The following NDUFS4 variants were observed in gnomAD, a reference collection of about 807,000 sequenced individuals.
The protein encoded by NDUFS4 is NADH dehydrogenase [ubiquinone] iron-sulfur protein 4, mitochondrial.
Under a neutral mutation model 24.3 loss-of-function variants are expected in NDUFS4, and 28 were observed. The observed-to-expected ratio is 1.15, with a 90% CI of 0.85 to 1.58. NDUFS4 has a LOEUF of 1.58. NDUFS4 is among the 40% of genes most tolerant of loss of function. The pLI, the probability that NDUFS4 is intolerant of heterozygous loss-of-function variation, is 0.00. For missense variants in NDUFS4, 223 were observed against 207.9 expected, an observed-to-expected ratio of 1.07 and a Z score of -0.45; for synonymous variants, 93 against 69.7, an observed-to-expected ratio of 1.34 and a Z score of -1.67.
chr5:53,660,954 TGTTCACTCTGATG>T (rs1365386491), intron 4 of NDUFS4, among the ~76,000 whole-genome samples: 3 of 152,338 alleles, frequency 2.0e-5, no homozygotes, highest in African/African-American at 7.2e-5. Flanking sequence ...GTAGGTTGCC[TGTTCACTCTGATG>T]GTAGTTTATT....
chr5:53,605,477 T>G (rs1202545214), intron 2 of NDUFS4, among the ~76,000 whole-genome samples: 1 of 152,184 alleles, frequency 6.6e-6, no homozygotes. Flanking sequence ...CAGAGTGCTA[T>G]GAAGCATACA....
At chr5:53,604,728 A>G in intron 2 of NDUFS4, 1 of 456,136 alleles carries the variant, frequency 2.2e-6, no homozygotes, top group Non-Finnish European at 4.4e-6. Flanking sequence ...CTCTAGGTTT[A>G]TCTTGTACCA....
At chr5:53,627,130 A>T in intron 2 of NDUFS4, among the ~76,000 whole-genome samples, 1 of 152,302 alleles carries the variant, frequency 6.6e-6, no homozygotes, top group Admixed American at 6.5e-5. Flanking sequence ...CCATTTATTA[A>T]AAAGGGAATC....
chr5:53,607,185 G>T (rs1026860731), intron 2 of NDUFS4, among the ~76,000 whole-genome samples: 1 of 152,138 alleles, frequency 6.6e-6, no homozygotes, highest in African/African-American at 2.4e-5. Context: ...TCTTGAAAAT[G>T]AACCTGTCAC....
intron 2 of NDUFS4, among the ~76,000 whole-genome samples, chr5:53,635,530 A>G (rs1303757650): frequency 1.3e-5 from 2 of 152,264 alleles, no homozygotes; most frequent in East Asian, 3.9e-4. Context: ...AAAATAAATA[A>G]ATAAGTAAAA....
intron 4 of NDUFS4, among the ~76,000 whole-genome samples, chr5:53,667,717 A>C (rs1184068115): frequency 6.6e-6 from 1 of 152,200 alleles, no homozygotes; most frequent in Admixed American, 6.5e-5. Context: ...CAGATGCACT[A>C]ATATGTAAAG....
chr5:53,671,089 A>G (rs1740211153), intron 4 of NDUFS4, among the ~76,000 whole-genome samples: 1 of 152,026 alleles, frequency 6.6e-6, no homozygotes, highest in African/African-American at 2.4e-5. Flanking sequence ...ATAATAGTAT[A>G]GGGACGTACT....
chr5:53,598,058 A>G (rs182869223), intron 1 of NDUFS4, among the ~76,000 whole-genome samples: 1 of 152,332 alleles, frequency 6.6e-6, no homozygotes, highest in African/African-American at 2.4e-5. Context: ...ATGAAATAGT[A>G]CTACACACCT....
chr5:53,597,768 T>A (rs1439546836), intron 1 of NDUFS4, among the ~76,000 whole-genome samples: 1 of 152,128 alleles, frequency 6.6e-6, no homozygotes, highest in Non-Finnish European at 1.5e-5. Flanking sequence ...TTCATTAAGA[T>A]TAAAAGCTTC....
At chr5:53,585,742 CAA>C (rs1009474307) in intron 1 of NDUFS4, among the ~76,000 whole-genome samples, 12 of 114,160 alleles carry the variant, frequency 1.1e-4, no homozygotes, top group Non-Finnish European at 5.9e-5. Flanking sequence ...AACTCCGTCT[CAA>C]AAAAAAAAAA....
chr5:53,604,926 T>C, intron 2 of NDUFS4: 1 of 455,134 alleles, frequency 2.2e-6, no homozygotes, highest in African/African-American at 2.0e-5. Flanking sequence ...TAGTCAAGTA[T>C]AAAAGAAATG....
At chr5:53,664,867 G>T (rs1322170438) in intron 4 of NDUFS4, among the ~76,000 whole-genome samples, 1 of 152,154 alleles carries the variant, frequency 6.6e-6, no homozygotes, top group Non-Finnish European at 1.5e-5. Context: ...TCCATTGCTG[G>T]TGCAGAGCTG....
intron 2 of NDUFS4, among the ~76,000 whole-genome samples, chr5:53,608,823 G>A (rs1579867708): frequency 2.0e-5 from 3 of 152,138 alleles, no homozygotes; most frequent in African/African-American, 7.2e-5. Flanking sequence ...GACATGCCAT[G>A]TCAAAATAAA....
chr5:53,625,826 C>T (rs1185699291), intron 2 of NDUFS4, among the ~76,000 whole-genome samples: 2 of 151,944 alleles, frequency 1.3e-5, no homozygotes, highest in East Asian at 1.9e-4. Flanking sequence ...CATTTCAGGG[C>T]CTATTTCTAT....
chr5:53,592,134 G>T (rs1749986704), intron 1 of NDUFS4, among the ~76,000 whole-genome samples: 2 of 151,478 alleles, frequency 1.3e-5, no homozygotes, highest in Non-Finnish European at 2.9e-5. Flanking sequence ...GAGATGAGGG[G>T]GTGTGGCAGA....
At chr5:53,680,241 A>AACTC (rs2111605572) in intron 4 of NDUFS4, among the ~76,000 whole-genome samples, 1 of 152,236 alleles carries the variant, frequency 6.6e-6, no homozygotes, top group African/African-American at 2.4e-5. Context: ...GCAACCTATA[A>AACTC]ACTCTGTACA....
intron 4 of NDUFS4, among the ~76,000 whole-genome samples, chr5:53,678,532 C>T (rs376049727): frequency 2.6e-4 from 40 of 152,206 alleles, no homozygotes; most frequent in African/African-American, 8.7e-4. Context: ...GTTTTCAGTA[C>T]CCTAATAGGA....
chr5:53,582,507 G>A (rs1749603287), intron 1 of NDUFS4, among the ~76,000 whole-genome samples: 1 of 152,186 alleles, frequency 6.6e-6, no homozygotes, highest in Non-Finnish European at 1.5e-5. Flanking sequence ...GATGTGGGAG[G>A]AAACTGGAGT....
chr5:53,604,666 A>G, intron 2 of NDUFS4: 1 of 440,540 alleles, frequency 2.3e-6, no homozygotes, highest in Non-Finnish European at 4.6e-6. Context: ...AGTAAACACT[A>G]AAATCCTAAC....
Sources: gnomAD v4.1 joint callset for allele counts (sites outside exome capture counted in the v4.1 genomes callset) on GRCh38, gnomAD v4.1.1 for gene constraint, MANE v1.5 for transcripts, NCBI Gene and HGNC (gene_info 2026-07-23, HGNC 2026-07-21) for gene names.